LAMC1: variants seen among roughly 807,000 people sequenced by gnomAD.
The protein encoded by LAMC1 is laminin subunit gamma 1.
In LAMC1, 38 loss-of-function variants were observed where a neutral mutation model predicts 173.6. The ratio of observed to expected loss-of-function variants is 0.22; its 90% CI spans 0.17 to 0.29. The LOEUF is 0.29. Among genes scored for constraint, LAMC1 ranks in the 10% least tolerant of loss-of-function variants. The pLI, the probability that LAMC1 is intolerant of heterozygous loss-of-function variation, is 1.00. For missense variants in LAMC1, 1,824 were observed against 2,051.8 expected (o/e 0.89, Z 2.14); for synonymous variants, 746 against 749.1 (o/e 1.00, Z 0.07).
At chr1:183,064,078 G>C (rs75630519) in intron 1 of LAMC1, among the ~76,000 whole-genome samples, 2,275 of 152,284 alleles carry the variant, frequency 0.015, 28 homozygotes, top group Admixed American at 0.027. Flanking sequence ...TTGTAGAATT[G>C]ACTCTTAAAC....
At chr1:183,073,736 A>G (rs1176386086) in intron 1 of LAMC1, among the ~76,000 whole-genome samples, 3 of 152,236 alleles carry the variant, frequency 2.0e-5, no homozygotes, top group Non-Finnish European at 2.9e-5. Flanking sequence ...TGTCCAGCAC[A>G]TAGTCAAAGA....
intron 3 of LAMC1, among the ~76,000 whole-genome samples, chr1:183,109,067 A>G (rs1656068797): frequency 6.6e-6 from 1 of 152,226 alleles, no homozygotes; most frequent in South Asian, 2.1e-4. Context: ...GTAGAGTTGT[A>G]AACCAGAAAG....
intron 1 of LAMC1, among the ~76,000 whole-genome samples, chr1:183,056,671 C>A (rs1261205798): frequency 2.0e-5 from 3 of 152,208 alleles, no homozygotes; most frequent in Non-Finnish European, 4.4e-5. Flanking sequence ...GCTCATTATA[C>A]AGGTGAGGAA....
At chr1:183,116,153 G>A (rs552744683) in intron 6 of LAMC1, among the ~76,000 whole-genome samples, 172 of 148,446 alleles carry the variant, frequency 1.2e-3, no homozygotes, top group African/African-American at 4.2e-3. Context: ...ATGACTTTAG[G>A]GTCCATTTTG....
At chr1:183,136,933 G>T (rs1656961589) in intron 25 of LAMC1, among the ~76,000 whole-genome samples, 1 of 152,144 alleles carries the variant, frequency 6.6e-6, no homozygotes, top group African/African-American at 2.4e-5. Context: ...TCAATACTAT[G>T]TAGTGTGCCT....
chr1:183,042,419 A>C (rs1654159983), intron 1 of LAMC1, among the ~76,000 whole-genome samples: 1 of 152,212 alleles, frequency 6.6e-6, no homozygotes, highest in Non-Finnish European at 1.5e-5. Flanking sequence ...TCATAAACAC[A>C]GTAGAGGCTG....
At chr1:183,102,151 C>T (rs2102068560) in intron 1 of LAMC1, among the ~76,000 whole-genome samples, 1 of 152,288 alleles carries the variant, frequency 6.6e-6, no homozygotes, top group South Asian at 2.1e-4. Flanking sequence ...CCAGGCCACA[C>T]ATGAGGAATC....
intron 1 of LAMC1, among the ~76,000 whole-genome samples, chr1:183,076,600 C>G (rs1655124620): frequency 6.6e-6 from 1 of 152,162 alleles, no homozygotes; most frequent in Non-Finnish European, 1.5e-5. Context: ...TAGTTCTTCC[C>G]CCTCACACCA....
chr1:183,061,551 CTTT>C (rs942861469), intron 1 of LAMC1, among the ~76,000 whole-genome samples: 5 of 152,026 alleles, frequency 3.3e-5, no homozygotes, highest in African/African-American at 1.2e-4. Flanking sequence ...ACATCTATAT[CTTT>C]TTTTCTTTTT....
intron 1 of LAMC1, 53 bp downstream of exon 1, chr1:183,024,187 C>G: frequency 6.8e-7 from 1 of 1,480,936 alleles, no homozygotes; most frequent in Non-Finnish European, 9.0e-7. Flanking sequence ...GCCCAGCTCC[C>G]GGACCGGCTC....
At chr1:183,084,211 G>A (rs1449035910) in intron 1 of LAMC1, among the ~76,000 whole-genome samples, 2 of 152,064 alleles carry the variant, frequency 1.3e-5, no homozygotes, top group African/African-American at 4.8e-5. Flanking sequence ...GCGCAGTGGC[G>A]GGCCGCCCGT....
intron 11 of LAMC1, among the ~76,000 whole-genome samples, chr1:183,120,356 G>A (rs578026821): frequency 6.6e-6 from 1 of 152,162 alleles, no homozygotes; most frequent in African/African-American, 2.4e-5. Flanking sequence ...TTTTTAGAAT[G>A]GGGAGACTTA....
intron 26 of LAMC1, among the ~76,000 whole-genome samples, 160 bp from the exon 27 acceptor site, chr1:183,140,244 C>CAAAAAAAAAAAA (rs1657069377): frequency 3.4e-5 from 1 of 29,396 alleles, no homozygotes; most frequent in Non-Finnish European, 7.7e-5. Flanking sequence ...AGCAGCCCCA[C>CAAAAAAAAAAAA]CAAAAAAAAA....
At chr1:183,127,088 C>G in intron 16 of LAMC1, 138 bp from the exon 17 acceptor site, 2 of 691,912 alleles carry the variant, frequency 2.9e-6, no homozygotes, top group Non-Finnish European at 2.3e-6. Flanking sequence ...CATTTAAGAT[C>G]TCATAAATAG....
At position 183,110,560 on chromosome 1, in the gene LAMC1, T is replaced by C. The variant is rs143959856; in HGVS notation, c.927T>C (p.His309=). 3.5e-5 allele frequency: 56 copies of C among 1,613,842 alleles called. No individual in the cohort carries two copies. In the African/African-American group the frequency reaches 5.9e-4, roughly 17 times the overall value. The change falls in exon 4 of 28, where the codon CAT becomes CAC. Residue 309 remains histidine, a synonymous_variant. Transcript: ENST00000258341. ...ATAAGCTGGTGTGTAATTGCAAACA[T>C]AACACATATGGAGTAGACTGTGAAA... The part of the protein sequence containing the change: ...EFDKLVCNCK[H]NTYGVDCEKC...
intron 1 of LAMC1, among the ~76,000 whole-genome samples, chr1:183,085,868 A>G (rs1002134742): frequency 2.0e-5 from 3 of 152,176 alleles, no homozygotes; most frequent in Non-Finnish European, 2.9e-5. Context: ...CTTGTTTTCT[A>G]CCACTTAGCT....
chr1:183,111,921 G>A (rs754966897), intron 4 of LAMC1, among the ~76,000 whole-genome samples: 2 of 152,126 alleles, frequency 1.3e-5, no homozygotes, highest in Non-Finnish European at 2.9e-5. Context: ...TGTAATCACA[G>A]CTACTCACTT....
intron 1 of LAMC1, among the ~76,000 whole-genome samples, chr1:183,036,093 ATTCTTT>A (rs1463731594): frequency 7.8e-6 from 1 of 127,938 alleles, no homozygotes; most frequent in Non-Finnish European, 1.6e-5. Context: ...GCTTGAATGA[ATTCTTT>A]TTTTTTTTTT....
In LAMC1 at chr1:183,130,430, A is replaced by G; in HGVS notation, c.3367A>G (p.Thr1123Ala). Residue 1123 changes from threonine (T) to alanine (A), a missense_variant, in exon 19 of 28, where the codon ACC becomes GCC. Transcript: ENST00000258341. The stretch of plus-strand genomic sequence containing the variant: ...TAGCCGTTTACAGAATATCCGGAAT[A>G]CCATTGAAGAGACTGGAAACTTGGC... ...QISRLQNIRN[T>A]IEETGNLAEQ... is the part of the protein sequence containing the mutation. 2 of 1,614,124 alleles carry G rather than the reference A, an allele frequency of 1.2e-6. No individual in the cohort carries two copies. The highest frequency in any genetic ancestry group is 2.2e-5 in the South Asian group (2 of 91,076).
Sources: gnomAD v4.1 joint callset for allele counts (sites outside exome capture counted in the v4.1 genomes callset) on GRCh38, gnomAD v4.1.1 for gene constraint, MANE v1.5 for transcripts, NCBI Gene and HGNC (gene_info 2026-07-23, HGNC 2026-07-21) for gene names.